P4HA1: variants seen among roughly 807,000 people sequenced by gnomAD.
P4HA1 encodes prolyl 4-hydroxylase subunit alpha-1.
P4HA1 carries 24 observed loss-of-function variants against 72.8 expected under a neutral mutation model. That is an observed-to-expected ratio of 0.33 (90% CI 0.24 to 0.46). The LOEUF (loss-of-function observed/expected upper bound fraction) is 0.46, where lower values mean the gene tolerates loss of function less well. P4HA1 is among the 20% of genes least tolerant of loss of function. The pLI is 1.00. For missense variants in P4HA1, 446 were observed against 640.6 expected, an observed-to-expected ratio of 0.70 and a Z score of 3.28; for synonymous variants, 201 against 218.8, an observed-to-expected ratio of 0.92 and a Z score of 0.72.
intron 10 of P4HA1, among the ~76,000 whole-genome samples, chr10:73,027,833 GAA>G (rs1840323636): frequency 7.9e-6 from 1 of 126,690 alleles, no homozygotes; most frequent in African/African-American, 2.9e-5. Context: ...AGAGAGAGAG[GAA>G]GGAAGGGAGG....
intron 1 of P4HA1, among the ~76,000 whole-genome samples, chr10:73,093,893 T>C (rs1279016884): frequency 1.2e-5 from 1 of 83,238 alleles, no homozygotes. Flanking sequence ...TATATATATA[T>C]ATATATATAT....
intron 1 of P4HA1, among the ~76,000 whole-genome samples, chr10:73,092,331 A>AT (rs200490574): frequency 5.6e-5 from 8 of 142,674 alleles, no homozygotes; most frequent in Non-Finnish European, 1.1e-4. Context: ...ATTGTAAATA[A>AT]TTTTTTTTTC....
intron 1 of P4HA1, among the ~76,000 whole-genome samples, chr10:73,088,601 AAACTTT>A (rs1564639192): frequency 1.3e-5 from 2 of 152,208 alleles, no homozygotes; most frequent in Non-Finnish European, 2.9e-5. Flanking sequence ...CTGTGTGATT[AAACTTT>A]ATTTCATATC....
chr10:73,038,270 T>G (rs922557779), intron 9 of P4HA1, among the ~76,000 whole-genome samples: 2 of 152,064 alleles, frequency 1.3e-5, no homozygotes, highest in Middle Eastern at 3.4e-3. Context: ...GAAAATAAAG[T>G]AAAATAAAAT....
At chr10:73,096,055 TTTTA>T (rs1359332808) in intron 1 of P4HA1, among the ~76,000 whole-genome samples, 1 of 152,190 alleles carries the variant, frequency 6.6e-6, no homozygotes, top group East Asian at 1.9e-4. Flanking sequence ...TCTTGTCTCT[TTTTA>T]AAAAAAGTTA....
intron 10 of P4HA1, among the ~76,000 whole-genome samples, chr10:73,026,717 G>A (rs1347875097): frequency 6.6e-6 from 1 of 152,104 alleles, no homozygotes; most frequent in African/African-American, 2.4e-5. Context: ...TCTGACAAAT[G>A]GCTGATATCC....
chr10:73,044,351 T>C (rs80234730), intron 9 of P4HA1, among the ~76,000 whole-genome samples: 7,955 of 152,220 alleles, frequency 0.052, 661 homozygotes, highest in African/African-American at 0.17. Flanking sequence ...ATAAAACTGT[T>C]TTTAAATCTC....
intron 3 of P4HA1, among the ~76,000 whole-genome samples, chr10:73,072,566 C>G (rs1841590063): frequency 6.6e-6 from 1 of 152,114 alleles, no homozygotes. Context: ...TCATTTAAAT[C>G]AACTTATACT....
At position 73,053,988 on chromosome 10, in the gene P4HA1, C is replaced by T. The variant is rs986724342; in HGVS notation, c.464-398G>A. ...CTGGAATGCAATGGCACAATCTCAGCTCACCACAACCTCCGCCTCCCAGGT... is the reference window on the plus strand; with the variant it reads ...CTGGAATGCAATGGCACAATCTCAGTTCACCACAACCTCCGCCTCCCAGGT... On this transcript the variant is annotated intron_variant, in intron 5 of 14. Coordinates refer to ENST00000394890, the MANE Select transcript of P4HA1 (RefSeq NM_001017962.3). 3.3e-5 allele frequency among the ~76,000 whole-genome samples: 5 copies of T among 152,030 alleles called. No homozygotes were observed. In the South Asian group the frequency reaches 1.0e-3, roughly 32 times the overall value.
In P4HA1 at chr10:73,064,008, A is replaced by G. The variant is rs142503749; in HGVS notation, c.463+4838T>C. On this transcript the variant is annotated intron_variant, in intron 5 of 14. Transcript: ENST00000394890. Reference sequence around the variant, plus strand: ...AAAAAGACTGTAAAAAGCTTCATATAAAAAGCAAACCGAGTTTGATGAGAA... The same window carrying G: ...AAAAAGACTGTAAAAAGCTTCATATGAAAAGCAAACCGAGTTTGATGAGAA... Among the ~76,000 whole-genome samples, 221 of 152,310 alleles carry G rather than the reference A, an allele frequency of 1.5e-3. 4 individuals are homozygous for G. In the East Asian group the frequency reaches 0.039, roughly 27 times the overall value.
chr10:73,053,027 A>C (rs967331870), intron 6 of P4HA1, among the ~76,000 whole-genome samples: 2 of 152,214 alleles, frequency 1.3e-5, no homozygotes, highest in African/African-American at 4.8e-5. Context: ...ATGCAATAAA[A>C]CATAACACCC....
At chr10:73,078,264 A>G (rs1349830967) in intron 1 of P4HA1, among the ~76,000 whole-genome samples, 2 of 152,198 alleles carry the variant, frequency 1.3e-5, no homozygotes, top group African/African-American at 2.4e-5. Flanking sequence ...TTAGTAATTA[A>G]TGACACAAAA....
intron 1 of P4HA1, among the ~76,000 whole-genome samples, chr10:73,093,722 A>G (rs1346008539): frequency 6.7e-6 from 1 of 149,972 alleles, no homozygotes; most frequent in African/African-American, 2.4e-5. Flanking sequence ...GGGCGGCTGT[A>G]GTCCCAGCTA....
chr10:73,030,364 C>T lies in P4HA1; in HGVS notation c.1155G>A (p.Trp385Ter). Residue 385 changes from tryptophan to a stop codon, truncating the protein, a stop_gained, in exon 10 of 15, where the codon TGG becomes TGA. Coordinates refer to ENST00000394890, the MANE Select transcript of P4HA1 (RefSeq NM_001017962.3). LOFTEE classifies it high-confidence loss of function. ...CCACAGGATTTTCATAGCCAGAGAG[C>T]CAGGCACTAAGAATAAGAGGAATAT... is the stretch of plus-strand genomic sequence containing the variant. Reference protein sequence around the residue: ...TVHYRISKSAWLSGYENPVVS... With the variant: ...TVHYRISKSA 1 of 1,541,064 alleles carries T rather than the reference C, an allele frequency of 6.5e-7. No individual in the cohort carries two copies. Among genetic ancestry groups the T allele is most frequent in the Non-Finnish European group, 8.9e-7 (1 of 1,125,478 alleles).
intron 4 of P4HA1, 55 bp from the exon 5 acceptor site, chr10:73,069,038 T>C: frequency 7.8e-7 from 1 of 1,275,434 alleles, no homozygotes; most frequent in Non-Finnish European, 1.1e-6. Flanking sequence ...AAACTTCCCA[T>C]AAAGAGACTT....
intron 5 of P4HA1, among the ~76,000 whole-genome samples, chr10:73,067,185 A>T (rs1841443812): frequency 6.6e-6 from 1 of 152,126 alleles, no homozygotes; most frequent in Non-Finnish European, 1.5e-5. Context: ...GTTAAATGGA[A>T]TCTATCCAGT....
intron 13 of P4HA1, among the ~76,000 whole-genome samples, chr10:73,010,390 A>C (rs1839889075): frequency 6.6e-6 from 1 of 152,224 alleles, no homozygotes; most frequent in South Asian, 2.1e-4. Flanking sequence ...GATCATATGA[A>C]AAATACCATA....
intron 1 of P4HA1, among the ~76,000 whole-genome samples, chr10:73,076,729 T>C (rs939000619): frequency 6.7e-6 from 1 of 149,292 alleles, no homozygotes; most frequent in Non-Finnish European, 1.5e-5. Context: ...GTCTTTCTTA[T>C]TACCTTACAG....
At chr10:73,043,509 A>C (rs914756103) in intron 9 of P4HA1, among the ~76,000 whole-genome samples, 20 of 152,226 alleles carry the variant, frequency 1.3e-4, no homozygotes, top group Admixed American at 5.2e-4. Flanking sequence ...AAAGGCACTT[A>C]CTTACGCAAT....
Sources: allele counts gnomAD v4.1 joint callset (sites outside exome capture counted in the v4.1 genomes callset), GRCh38; gene constraint gnomAD v4.1.1; transcripts MANE v1.5; gene names NCBI Gene and HGNC (gene_info 2026-07-23, HGNC 2026-07-21).